The following USP40 variants were observed in gnomAD, a reference collection of about 807,000 sequenced individuals.
USP40 encodes the protein ubiquitin specific peptidase 40.
USP40 carries 143 observed loss-of-function variants against 166.2 expected under a neutral mutation model. That is an observed-to-expected ratio of 0.86 (90% confidence interval 0.75 to 0.99). The LOEUF (loss-of-function observed/expected upper bound fraction) is 0.99. Ranked by LOEUF, USP40 falls within the 50% of genes least tolerant of loss-of-function variation. The pLI is 0.00. For synonymous variants in USP40, 498 were observed against 524.0 expected, an observed-to-expected ratio of 0.95 and a Z score of 0.68; for missense variants, 1,444 against 1,479.7, an observed-to-expected ratio of 0.98 and a Z score of 0.40.
intron 10 of USP40, among the ~76,000 whole-genome samples, chr2:233,539,622 T>C (rs925072353): frequency 2.6e-5 from 4 of 151,926 alleles, no homozygotes; most frequent in Non-Finnish European, 5.9e-5. Context: ...AATATAACTA[T>C]AATCAACAAT....
Position 233,477,051 on chromosome 2 carries a change from G to A in USP40, c.*341C>T. 8.4e-6 allele frequency: 3 copies of A among 356,226 alleles called. No individual in the cohort carries two copies. Among genetic ancestry groups the A allele is most frequent in the South Asian group, 4.4e-5 (2 of 45,364 alleles). 22.1% of individuals were successfully genotyped at this position (356,226 alleles called of 1,614,324 possible). A position where few individuals can be genotyped will look rare whatever the true frequency, so the allele number is the denominator to read the frequency against. On this transcript the variant is annotated 3_prime_UTR_variant, in exon 32 of 32. Coordinates refer to ENST00000678225, the MANE Select transcript of USP40 (RefSeq NM_001365479.2). ...ACCTCCCACAGCGGAGCAACGGCAT[G>A]CCGCTGCCTCCATACCTGCGGTTCA...
In USP40 at chr2:233,532,261, T is replaced by C. The variant is rs114386336; in HGVS notation, c.1471+1218A>G. Among the ~76,000 whole-genome samples, 483 of 152,302 alleles carry C rather than the reference T, an allele frequency of 3.2e-3. 3 individuals carry two copies. Among genetic ancestry groups the C allele is most frequent in the African/African-American group, 0.011 (461 of 41,572 alleles). ...GCAGCCAATCAGACTGATTGCCAGC[T>C]ATGTCTTCGTTTGCAAATAAGTGTA... On this transcript the variant is annotated intron_variant, in intron 11 of 31. Coordinates refer to ENST00000678225, the MANE Select transcript of USP40 (RefSeq NM_001365479.2).
intron 21 of USP40, among the ~76,000 whole-genome samples, chr2:233,502,358 A>C (rs2066129949): frequency 6.6e-6 from 1 of 152,168 alleles, no homozygotes; most frequent in Non-Finnish European, 1.5e-5. Context: ...AATACTTAGG[A>C]CTGGAAGTGT....
At chr2:233,566,022 A>AATT (rs1316055686) in intron 1 of USP40, among the ~76,000 whole-genome samples, 1 of 152,166 alleles carries the variant, frequency 6.6e-6, no homozygotes, top group African/African-American at 2.4e-5. Flanking sequence ...CAACTCTCTA[A>AATT]AATCTCTGCT....
chr2:233,549,262 G>T, intron 7 of USP40, 33 bp from the exon 8 acceptor site: 2 of 1,204,676 alleles, frequency 1.7e-6, no homozygotes, highest in South Asian at 1.8e-5. Flanking sequence ...TATTGATATA[G>T]TTTTCATAAA....
In USP40 at chr2:233,540,757, G is replaced by C. The variant is rs775719776; in HGVS notation, c.1075C>G (p.Leu359Val). Residue 359 changes from leucine (L) to valine (V), a missense_variant, in exon 10 of 32, where the codon CTA becomes GTA. Transcript: ENST00000678225. ...KAILLEEENN[L>V]IPVDQLGQKL... is the part of the protein sequence containing the mutation. ...TGGCCCAGCTGATCAACAGGAATTA[G>C]ATTATTCTCCTCCTTATGAGAGAAA... 2.2e-5 allele frequency: 35 copies of C among 1,612,592 alleles called. 2 individuals are homozygous for C. The South Asian group carries it at 3.6e-4, about 17-fold the overall frequency.
intron 26 of USP40, among the ~76,000 whole-genome samples, chr2:233,490,656 T>G (rs1489143252): frequency 6.6e-6 from 1 of 152,188 alleles, no homozygotes; most frequent in Admixed American, 6.5e-5. Flanking sequence ...ATCCAGCCCT[T>G]CCATTTGGAT....
chr2:233,482,555 G>A (rs940595219), intron 30 of USP40, among the ~76,000 whole-genome samples: 3 of 151,144 alleles, frequency 2.0e-5, no homozygotes, highest in African/African-American at 7.3e-5. Context: ...CTCCAGAGTA[G>A]CTGTACCAAC....
intron 31 of USP40, 44 bp from the exon 32 acceptor site, chr2:233,477,547 G>T (rs1340011361): frequency 6.5e-7 from 1 of 1,547,532 alleles, no homozygotes; most frequent in South Asian, 1.1e-5. Flanking sequence ...GATGCAGTGG[G>T]TGTCAGGGTG....
intron 11 of USP40, among the ~76,000 whole-genome samples, chr2:233,529,814 C>CTTTTTTTTTTTTTTTTTTTTTTTT (rs369071345): frequency 7.5e-6 from 1 of 133,950 alleles, no homozygotes. Context: ...TTTTCTTTTT[C>CTTTTTTTTTTTTTTTTTTTTTTTT]TTTTTTTTTT....
At position 233,559,943 on chromosome 2, in the gene USP40, C is replaced by T. The variant is rs2125395789; in HGVS notation, c.268-19G>A. ...TTCGAACCTGAATGAGAAACAAACA[C>T]ATTTCTAAATGAATTCTTTAAGTGT... On this transcript the variant is annotated intron_variant, in intron 3 of 31. Transcript: ENST00000678225. The T allele has an allele frequency of 6.4e-7, 1 of 1,557,036 alleles. No individual in the cohort carries two copies. The highest frequency in any genetic ancestry group is 8.7e-7 in the Non-Finnish European group (1 of 1,143,468).
chr2:233,512,653 G>GTATATTATTTTTCTT lies in USP40; in HGVS notation c.2384-32_2384-31insAAGAAAAATAATATA, dbSNP rs771961065. On this transcript the variant is annotated intron_variant, in intron 18 of 31. Coordinates refer to ENST00000678225, the MANE Select transcript of USP40 (RefSeq NM_001365479.2). ...TATAAAAGGAATATTATTTTTCTTAGAGAGCTAGGAATTAATAACCTTCAT... is the reference window on the plus strand; with the variant it reads ...TATAAAAGGAATATTATTTTTCTTAGTATATTATTTTTCTTAGAGCTAGGAATTAATAACCTTCAT... 7.2e-4 allele frequency: 941 copies of GTATATTATTTTTCTT among 1,315,304 alleles called. 2 individuals carry two copies. The highest frequency in any genetic ancestry group is 9.9e-4 in the Middle Eastern group (5 of 5,030). 81.5% of individuals were successfully genotyped at this position (1,315,304 alleles called of 1,614,324 possible).
At chr2:233,485,708 A>G in intron 29 of USP40, 59 bp downstream of exon 29, 1 of 1,603,182 alleles carries the variant, frequency 6.2e-7, no homozygotes. Context: ...GAAAAATTGC[A>G]TAACCTCATT....
At chr2:233,491,306 A>G (rs2125068422) in intron 25 of USP40, 45 bp from the exon 26 acceptor site, 1 of 1,375,472 alleles carries the variant, frequency 7.3e-7, no homozygotes, top group East Asian at 2.3e-5. Flanking sequence ...CTTGAAACTT[A>G]TTTTGTGTTT....
rs565203854 is a variant in USP40, at chr2:233,560,732, A to G, written c.268-808T>C. The G allele has an allele frequency of 3.8e-5, 14 of 369,048 alleles. No individual in the cohort carries two copies. The South Asian group carries it at 7.4e-4, about 19-fold the overall frequency. The allele number at this position is 369,048 out of a possible 1,614,324, so 22.9% of individuals were successfully genotyped here. ...GCACTTTAAATATCACCACAATAAC[A>G]AACAAAATAATTAACTCATTACTCA... On this transcript the variant is annotated intron_variant, in intron 3 of 31. Transcript: ENST00000678225.
At chr2:233,489,537 C>T in intron 26 of USP40, 54 bp from the exon 27 acceptor site, 1 of 1,417,954 alleles carries the variant, frequency 7.1e-7, no homozygotes, top group East Asian at 2.5e-5. Flanking sequence ...CTCTTCAAAA[C>T]ATACTGTTTT....
At chr2:233,509,878 C>T (rs1242380027) in intron 21 of USP40, among the ~76,000 whole-genome samples, 171 bp downstream of exon 21, 1 of 148,226 alleles carries the variant, frequency 6.7e-6, no homozygotes, top group African/African-American at 2.5e-5. Context: ...GTTGGTTCAC[C>T]AATTTTCAAG....
At position 233,476,771 on chromosome 2, in the gene USP40, CCT is replaced by C. The variant is rs2064200348; in HGVS notation, c.*619_*620del. 6.3e-6 allele frequency: 1 copy of C among 158,124 alleles called. No individual in the cohort carries two copies. Among genetic ancestry groups the C allele is most frequent in the African/African-American group, 2.4e-5 (1 of 41,502 alleles). 9.8% of individuals were successfully genotyped at this position (158,124 alleles called of 1,614,324 possible). Reference sequence around the variant, plus strand: ...AGAGCGACTCACCCTCGGAGGCCACCCTGTGTGGCTCCTCCTCGTGGAAAGAG... The same window carrying C: ...AGAGCGACTCACCCTCGGAGGCCACCGTGTGGCTCCTCCTCGTGGAAAGAG... On this transcript the variant is annotated 3_prime_UTR_variant, in exon 32 of 32. Coordinates refer to ENST00000678225, the MANE Select transcript of USP40 (RefSeq NM_001365479.2).
chr2:233,498,481 G>A, intron 23 of USP40, 67 bp downstream of exon 23: 3 of 1,415,300 alleles, frequency 2.1e-6, no homozygotes, highest in Admixed American at 3.8e-5. Context: ...AGTGGAATGG[G>A]TACCTTGTAC....
Sources: allele counts gnomAD v4.1 joint callset (sites outside exome capture counted in the v4.1 genomes callset), GRCh38; gene constraint gnomAD v4.1.1; transcripts MANE v1.5; gene names NCBI Gene and HGNC (gene_info 2026-07-23, HGNC 2026-07-21).